The following PCDH9 variants were observed in gnomAD, a reference collection of about 807,000 sequenced individuals.
PCDH9 encodes the protein protocadherin-9.
A neutral mutation model predicts 70.6 loss-of-function variants in PCDH9; 24 were observed. The observed-to-expected ratio is 0.34, with a 90% CI of 0.25 to 0.48. The LOEUF (loss-of-function observed/expected upper bound fraction) is 0.48, where lower values mean the gene tolerates loss of function less well. Ranked by LOEUF, PCDH9 falls within the 20% of genes least tolerant of loss-of-function variation. The pLI, the probability that PCDH9 is intolerant of heterozygous loss-of-function variation, is 0.99. For missense variants in PCDH9, 1,281 were observed against 1,503.6 expected, an observed-to-expected ratio of 0.85 and a Z score of 2.45; for synonymous variants, 562 against 558.5, an observed-to-expected ratio of 1.01 and a Z score of -0.09.
intron 2 of PCDH9, among the ~76,000 whole-genome samples, chr13:66,912,732 G>A (rs1176647494): frequency 6.6e-6 from 1 of 151,748 alleles, no homozygotes; most frequent in Non-Finnish European, 1.5e-5. Context: ...TTATAAAAGT[G>A]CCATAAATAA....
intron 2 of PCDH9, among the ~76,000 whole-genome samples, chr13:67,009,533 T>C (rs1036565359): frequency 2.6e-5 from 4 of 152,004 alleles, no homozygotes; most frequent in African/African-American, 7.2e-5. Flanking sequence ...ATCAAGCATC[T>C]AGGATTTTTA....
intron 4 of PCDH9, among the ~76,000 whole-genome samples, chr13:66,409,925 C>G (rs577483859): frequency 6.6e-6 from 1 of 152,268 alleles, no homozygotes; most frequent in South Asian, 2.1e-4. Context: ...ACCTGGCAAT[C>G]CTATTTTAAG....
intron 4 of PCDH9, among the ~76,000 whole-genome samples, chr13:66,366,473 T>A (rs1436862358): frequency 6.6e-6 from 1 of 152,052 alleles, no homozygotes; most frequent in South Asian, 2.1e-4. Flanking sequence ...TTTAAAAATG[T>A]CCACCTAAGT....
intron 4 of PCDH9, among the ~76,000 whole-genome samples, chr13:66,379,330 C>G (rs764053962): frequency 2.0e-5 from 3 of 151,956 alleles, no homozygotes; most frequent in Non-Finnish European, 4.4e-5. Flanking sequence ...CTGGAGTATA[C>G]AAATTTTTAT....
rs560127731 is a variant in PCDH9, at chr13:66,875,745, C to T, written c.3138+27759G>A. ...TCTCTAGTTTATTTATAGTTTACTG[C>T]TAACAATTTACAGTTGTTTACAAAT... is the stretch of plus-strand genomic sequence containing the variant. On this transcript the variant is annotated intron_variant, in intron 3 of 4. Coordinates refer to ENST00000377865, the MANE Select transcript of PCDH9 (RefSeq NM_203487.3). Among the ~76,000 whole-genome samples the T allele has an allele frequency of 4.6e-5, 7 of 152,252 alleles. No homozygotes were observed. In the East Asian group the frequency reaches 1.4e-3, roughly 29 times the overall value.
At chr13:67,050,820 C>T (rs902482599) in intron 2 of PCDH9, among the ~76,000 whole-genome samples, 1 of 152,196 alleles carries the variant, frequency 6.6e-6, no homozygotes, top group African/African-American at 2.4e-5. Flanking sequence ...AGAGCATTTA[C>T]ATTCTCTCAG....
At chr13:66,883,254 T>C (rs1419241431) in intron 3 of PCDH9, among the ~76,000 whole-genome samples, 2 of 152,196 alleles carry the variant, frequency 1.3e-5, no homozygotes, top group South Asian at 2.1e-4. Context: ...AACTCCTTTT[T>C]AAACCTTGAA....
intron 3 of PCDH9, among the ~76,000 whole-genome samples, chr13:66,808,290 T>A (rs1477617748): frequency 6.6e-6 from 1 of 152,152 alleles, no homozygotes; most frequent in Non-Finnish European, 1.5e-5. Flanking sequence ...TTAATTATTT[T>A]CTGAGTTTGA....
chr13:66,600,368 C>T (rs1231966978), intron 4 of PCDH9, among the ~76,000 whole-genome samples: 8 of 151,796 alleles, frequency 5.3e-5, no homozygotes, highest in African/African-American at 1.7e-4. Context: ...TGATATTATC[C>T]AATTTTCAAC....
At chr13:67,078,089 G>A (rs1202640819) in intron 2 of PCDH9, among the ~76,000 whole-genome samples, 1 of 152,112 alleles carries the variant, frequency 6.6e-6, no homozygotes, top group Non-Finnish European at 1.5e-5. Context: ...TGGCTGAGGT[G>A]TCCATGGATA....
chr13:66,572,275 CTA>C (rs965018406), intron 4 of PCDH9, among the ~76,000 whole-genome samples: 1 of 152,034 alleles, frequency 6.6e-6, no homozygotes, highest in Non-Finnish European at 1.5e-5. Flanking sequence ...TTATTGTTAA[CTA>C]TATTTACCCT....
chr13:66,581,657 C>T lies in PCDH9; in HGVS notation c.3340+49553G>A, dbSNP rs148889761. 1.7e-4 allele frequency among the ~76,000 whole-genome samples: 26 copies of T among 152,258 alleles called. No homozygotes were observed. In the East Asian group the frequency reaches 4.4e-3, roughly 26 times the overall value. On this transcript the variant is annotated intron_variant, in intron 4 of 4. Transcript: ENST00000377865. ...AATCATTTAATTACTCTAAGATTTC[C>T]TGAAAGGATTTCAATTTCATCCACA...
chr13:66,320,822 T>A (rs1955741016), intron 4 of PCDH9, among the ~76,000 whole-genome samples: 1 of 151,998 alleles, frequency 6.6e-6, no homozygotes, highest in Non-Finnish European at 1.5e-5. Context: ...GCCTCATTGA[T>A]TAAAATGTGA....
intron 3 of PCDH9, among the ~76,000 whole-genome samples, chr13:66,890,636 G>T (rs1329599059): frequency 6.6e-6 from 1 of 151,880 alleles, no homozygotes; most frequent in Non-Finnish European, 1.5e-5. Flanking sequence ...CTATCTCCTA[G>T]TCTTAGTGGG....
intron 2 of PCDH9, among the ~76,000 whole-genome samples, chr13:66,919,262 A>C (rs188191939): frequency 6.6e-6 from 1 of 151,286 alleles, no homozygotes; most frequent in Non-Finnish European, 1.5e-5. Context: ...AAACAAACAA[A>C]ATATTTTTTG....
chr13:66,737,788 C>G (rs138637737), intron 3 of PCDH9, among the ~76,000 whole-genome samples: 1 of 152,188 alleles, frequency 6.6e-6, no homozygotes, highest in Non-Finnish European at 1.5e-5. Flanking sequence ...CTTTTCAGAC[C>G]GGCTTAGAAA....
intron 4 of PCDH9, among the ~76,000 whole-genome samples, chr13:66,318,212 A>C (rs1224128660): frequency 6.6e-6 from 1 of 152,174 alleles, no homozygotes; most frequent in Non-Finnish European, 1.5e-5. Context: ...TCTCTCTTAA[A>C]ATAATAAATA....
At chr13:66,722,267 T>C (rs867407394) in intron 3 of PCDH9, among the ~76,000 whole-genome samples, 3 of 152,154 alleles carry the variant, frequency 2.0e-5, no homozygotes, top group African/African-American at 7.2e-5. Flanking sequence ...TCTACAATAA[T>C]TGTATGGTTA....
intron 2 of PCDH9, among the ~76,000 whole-genome samples, chr13:66,923,360 T>C (rs2082667466): frequency 6.6e-6 from 1 of 151,644 alleles, no homozygotes; most frequent in South Asian, 2.1e-4. Context: ...TAATTATATG[T>C]AAACCCTGTT....
Sources: gnomAD v4.1 joint callset for allele counts (sites outside exome capture counted in the v4.1 genomes callset) on GRCh38, gnomAD v4.1.1 for gene constraint, MANE v1.5 for transcripts, NCBI Gene and HGNC (gene_info 2026-07-23, HGNC 2026-07-21) for gene names.